ADAMTS7: variants seen among roughly 807,000 people sequenced by gnomAD.
ADAMTS7 encodes the protein ADAM metallopeptidase with thrombospondin type 1 motif 7.
A neutral mutation model predicts 172.6 loss-of-function variants in ADAMTS7; 89 were observed. The ratio of observed to expected loss-of-function variants is 0.52; its 90% CI spans 0.43 to 0.61. The LOEUF (loss-of-function observed/expected upper bound fraction) is 0.61, where lower values mean the gene tolerates loss of function less well. Among genes scored for constraint, ADAMTS7 ranks in the 20% least tolerant of loss-of-function variants. The pLI is 0.00. For missense variants in ADAMTS7, 1,973 were observed against 2,355.6 expected (o/e 0.84, Z 3.36); for synonymous variants, 885 against 978.4 (o/e 0.90, Z 1.78).
Position 78,806,091 on chromosome 15 carries a change from A to AACACACACAC in ADAMTS7, c.100+5020_100+5029dup, listed in dbSNP as rs1216857182. ...CGAGACTCTGACTCCCCCCCCCAAA[A>AACACACACAC]ACACACACACACACACACACACACA... is the stretch of plus-strand genomic sequence containing the variant. On this transcript the variant is annotated intron_variant, in intron 1 of 23. Coordinates refer to ENST00000388820, the MANE Select transcript of ADAMTS7 (RefSeq NM_014272.5). Among the ~76,000 whole-genome samples, 87 of 27,428 alleles carry AACACACACAC rather than the reference A, an allele frequency of 3.2e-3. 4 individuals carry two copies. The East Asian group carries it at 0.033, about 11-fold the overall frequency. 18.0% of individuals were successfully genotyped at this position (27,428 alleles called of 152,430 possible).
chr15:78,784,132 G>A (rs989528920), intron 8 of ADAMTS7, among the ~76,000 whole-genome samples: 2 of 152,094 alleles, frequency 1.3e-5, no homozygotes, highest in African/African-American at 4.8e-5. Context: ...ACTTTGGGAA[G>A]CTGAGGGAGG....
rs1392040110 is a variant in ADAMTS7, at chr15:78,788,254, G to A, written c.1299C>T (p.Arg433=). 1.9e-6 allele frequency: 3 copies of A among 1,613,742 alleles called. No individual in the cohort carries two copies. The highest frequency in any genetic ancestry group is 2.2e-5 in the South Asian group (2 of 91,064). The change falls in exon 8 of 24, where the codon CGC becomes CGT. Residue 433 remains arginine (R), a synonymous_variant. Transcript: ENST00000388820. The part of the protein sequence containing the change: ...AAPLTWSRCS[R]QYITRFLDRG... Reference sequence around the variant, plus strand: ...ACTCAAGGAACCTGGTGATATACTGGCGGCTGCAGCGGGACCAGGTGAGGG... The same window carrying A: ...ACTCAAGGAACCTGGTGATATACTGACGGCTGCAGCGGGACCAGGTGAGGG...
At chr15:78,798,235 C>T (rs1393244372) in intron 2 of ADAMTS7, 122 bp from the exon 3 acceptor site, 9 of 929,128 alleles carry the variant, frequency 9.7e-6, no homozygotes, top group East Asian at 3.1e-5. Context: ...TGACTGCCCG[C>T]GGACACACTG....
chr15:78,798,677 G>A (rs2055678542), intron 2 of ADAMTS7, among the ~76,000 whole-genome samples: 1 of 152,216 alleles, frequency 6.6e-6, no homozygotes, highest in South Asian at 2.1e-4. Context: ...GGGCTGCCCA[G>A]AGAAGGGAAG....
intron 8 of ADAMTS7, among the ~76,000 whole-genome samples, chr15:78,786,309 C>G (rs2055502276): frequency 6.6e-6 from 1 of 152,142 alleles, no homozygotes; most frequent in Non-Finnish European, 1.5e-5. Flanking sequence ...CTGTGTCCAC[C>G]ATTCCTTGCT....
At chr15:78,787,817 T>A (rs1057368346) in intron 8 of ADAMTS7, among the ~76,000 whole-genome samples, 2 of 152,208 alleles carry the variant, frequency 1.3e-5, no homozygotes, top group Non-Finnish European at 2.9e-5. Context: ...TCCAGCTTCA[T>A]TTCCTACGCA....
At chr15:78,802,562 C>A (rs545750114) in intron 1 of ADAMTS7, among the ~76,000 whole-genome samples, 1 of 152,214 alleles carries the variant, frequency 6.6e-6, no homozygotes, top group Non-Finnish European at 1.5e-5. Context: ...AATTGGCAGA[C>A]CTCTGCTCAG....
intron 8 of ADAMTS7, among the ~76,000 whole-genome samples, chr15:78,783,509 C>G (rs982977348): frequency 5.3e-5 from 8 of 152,032 alleles, no homozygotes; most frequent in African/African-American, 1.7e-4. Flanking sequence ...AACTCCTGAC[C>G]TCAAGAGATC....
In ADAMTS7 at chr15:78,785,031, C is replaced by A. The variant is rs4887110; in HGVS notation, c.1322+3200G>T. On this transcript the variant is annotated intron_variant, in intron 8 of 23. Coordinates refer to ENST00000388820, the MANE Select transcript of ADAMTS7 (RefSeq NM_014272.5). ...GCATGGGATCCAAGAAACAGGAAGA[C>A]CCTCCATGAATATTTTGGGGCAGGT... 0.029 allele frequency among the ~76,000 whole-genome samples: 4,333 copies of A among 151,460 alleles called. 556 individuals carry two copies. The East Asian group carries it at 0.37, about 13-fold the overall frequency.
In ADAMTS7 at chr15:78,800,280, G is replaced by T; in HGVS notation, c.368C>A (p.Ala123Asp). 1 of 1,593,302 alleles carries T rather than the reference G, an allele frequency of 6.3e-7. No individual in the cohort carries two copies. ...RGGLGRAHIR[A>D]HTPACHLLGE... is the part of the protein sequence containing the mutation. ...AAGCAGGTGGCAGGCCGGGGTGTGG[G>T]CCCGGATGTGCGCGCGGCCCAGGCC... The change falls in exon 2 of 24, where the codon GCC becomes GAC. Residue 123 changes from alanine to aspartate, a missense_variant. Coordinates refer to ENST00000388820, the MANE Select transcript of ADAMTS7 (RefSeq NM_014272.5).
At chr15:78,800,689 A>T in intron 1 of ADAMTS7, 142 bp from the exon 2 acceptor site, 1 of 729,206 alleles carries the variant, frequency 1.4e-6, no homozygotes, top group Non-Finnish European at 2.3e-6. Flanking sequence ...CTATCTACTA[A>T]CTCTGCTATT....
In ADAMTS7 at chr15:78,766,530, AG is replaced by A. The variant is rs2055153569; in HGVS notation, c.3380del (p.Pro1127LeufsTer27). ...GGCTAGGCCAAGGGCTCGGGGACCA[AG>A]GTCCCAGTACCCCCTCCTCCTTGGC... ...PAAKEEGVLGPWSPSPWPSQA... is the reference protein window; with the variant it reads ...PAAKEEGVLGXWSPSPWPSQA... On this transcript the variant is annotated frameshift_variant, in exon 19 of 24. Transcript: ENST00000388820. LOFTEE classifies it high-confidence loss of function. The A allele has an allele frequency of 6.3e-7, 1 of 1,591,054 alleles. No homozygotes were observed. Among genetic ancestry groups the A allele is most frequent in the Non-Finnish European group, 8.5e-7 (1 of 1,169,668 alleles).
At position 78,777,016 on chromosome 15, in the gene ADAMTS7, T is replaced by A. The variant is rs1381798559; in HGVS notation, c.1468-175A>T. ...CTCCCACCTTCCTCCCCGGACCATG[T>A]GGTGGTGTGGGGCGCCCGGGGCTGC... On this transcript the variant is annotated intron_variant, in intron 9 of 23. Coordinates refer to ENST00000388820, the MANE Select transcript of ADAMTS7 (RefSeq NM_014272.5). 7 of 624,448 alleles carry A rather than the reference T, an allele frequency of 1.1e-5. No homozygotes were observed. In the East Asian group the frequency reaches 1.9e-4, roughly 17 times the overall value. The allele number at this position is 624,448 out of a possible 1,614,324, so 38.7% of individuals were successfully genotyped here. A position where few individuals can be genotyped will look rare whatever the true frequency, so the allele number is the denominator to read the frequency against.
At position 78,771,769 on chromosome 15, in the gene ADAMTS7, G is replaced by A; in HGVS notation, c.2192C>T (p.Ala731Val). The A allele has an allele frequency of 1.2e-6, 2 of 1,612,584 alleles. No homozygotes were observed. Among genetic ancestry groups the A allele is most frequent in the Non-Finnish European group, 1.7e-6 (2 of 1,180,012 alleles). The stretch of plus-strand genomic sequence containing the variant: ...CAGTGCCAGGAAGTTGGCAGCCTCG[G>A]CAACCTCTTGGATGCGGATCTCGCG... The part of the protein sequence containing the change: ...GAREIRIQEV[A>V]EAANFLALRS... The change falls in exon 15 of 24, where the codon GCC (alanine) becomes GTC (valine). Residue 731 changes from alanine to valine, a missense_variant. By Grantham distance (64) the Ala-to-Val change is moderately conservative. Coordinates refer to ENST00000388820, the MANE Select transcript of ADAMTS7 (RefSeq NM_014272.5). This position sits in a 1 kb window ranked among gnomAD's most constrained non-coding sequence, Gnocchi z 4.9.
chr15:78,797,780 T>C (rs2055665181), intron 3 of ADAMTS7, among the ~76,000 whole-genome samples, 168 bp downstream of exon 3: 1 of 152,180 alleles, frequency 6.6e-6, no homozygotes, highest in South Asian at 2.1e-4. Context: ...GGACACAGTC[T>C]TGTGGCACAA....
In ADAMTS7 at chr15:78,764,532, GTCCTGGC is replaced by G; in HGVS notation, c.4419+16_4419+22del. ...TCCACCCCATGCCCTGGGAATGCCT[GTCCTGGC>G]TCCATCCTCACGCACCTTACTCCAG... On this transcript the variant is annotated intron_variant, in intron 20 of 23. Transcript: ENST00000388820. 6.5e-7 allele frequency: 1 copy of G among 1,534,676 alleles called. No individual in the cohort carries two copies. Among genetic ancestry groups the G allele is most frequent in the Non-Finnish European group, 8.7e-7 (1 of 1,147,046 alleles).
Position 78,768,261 on chromosome 15 carries a change from T to A in ADAMTS7, c.2519-2A>T. The A allele has an allele frequency of 6.2e-7, 1 of 1,610,558 alleles. No individual in the cohort carries two copies. The highest frequency in any genetic ancestry group is 1.1e-5 in the South Asian group (1 of 90,916). ...AGTACACATTCTGCCTCTGCACACC[T>A]AGGGGCCACGGGGCTCAGCCTGGGA... On this transcript the variant is annotated splice_acceptor_variant, in intron 16 of 23. Coordinates refer to ENST00000388820, the MANE Select transcript of ADAMTS7 (RefSeq NM_014272.5). LOFTEE classifies it high-confidence loss of function.
chr15:78,773,748 C>T (rs2055292549), intron 13 of ADAMTS7, among the ~76,000 whole-genome samples: 1 of 152,168 alleles, frequency 6.6e-6, no homozygotes, highest in African/African-American at 2.4e-5. Flanking sequence ...CGGCTCAGAG[C>T]CCTCTGTGTC....
chr15:78,770,988 C>A lies in ADAMTS7; in HGVS notation c.2518+174G>T, dbSNP rs186270631. On this transcript the variant is annotated intron_variant, in intron 16 of 23. Transcript: ENST00000388820. ...CTGCCTCATCCATGTACCCTCCCAG[C>A]GGGCCTGGGACACAGGGCAATCGCT... 5.7e-6 allele frequency: 5 copies of A among 879,744 alleles called. No homozygotes were observed. In the East Asian group the frequency reaches 1.4e-4, roughly 24 times the overall value. The allele number at this position is 879,744 out of a possible 1,614,324, so 54.5% of individuals were successfully genotyped here.
Sources: allele counts gnomAD v4.1 joint callset (sites outside exome capture counted in the v4.1 genomes callset), GRCh38; gene constraint gnomAD v4.1.1; non-coding constraint Gnocchi (gnomAD v3.1); transcripts MANE v1.5; gene names NCBI Gene and HGNC (gene_info 2026-07-23, HGNC 2026-07-21).